HYDIN: variants seen among roughly 807,000 people sequenced by gnomAD.
The protein encoded by HYDIN is HYDIN axonemal central pair apparatus protein.
Under a neutral mutation model 403.9 loss-of-function variants are expected in HYDIN, and 132 were observed. The ratio of observed to expected loss-of-function variants is 0.33; its 90% CI spans 0.28 to 0.38. The LOEUF (loss-of-function observed/expected upper bound fraction) is 0.38, where lower values mean the gene tolerates loss of function less well. Ranked by LOEUF, HYDIN falls within the 10% of genes least tolerant of loss-of-function variation. HYDIN has a pLI of 1.00. For synonymous variants in HYDIN, 1,202 were observed against 1,891.7 expected (o/e 0.64, Z 9.46); for missense variants, 2,827 against 5,009.5 (o/e 0.56, Z 13.15).
At chr16:71,043,786 T>C (rs1369883334) in intron 18 of HYDIN, among the ~76,000 whole-genome samples, 3 of 152,078 alleles carry the variant, frequency 2.0e-5, no homozygotes, top group African/African-American at 7.2e-5. Flanking sequence ...TAAGTATTTA[T>C]GTTTAAGAGT....
rs1597952469 is a variant in HYDIN, at chr16:71,175,659, G to C, written c.464C>G (p.Ala155Gly). Residue 155 changes from alanine to glycine, a missense_variant, in exon 5 of 86, where the codon GCT becomes GGT. Coordinates refer to ENST00000393567, the MANE Select transcript of HYDIN (RefSeq NM_001270974.2). Reference sequence around the variant, plus strand: ...TCGGAATATGGAAGGCACTCCAGGAGCCACTTTGTGGCCAATATCTTTGGG... The same window carrying C: ...TCGGAATATGGAAGGCACTCCAGGACCCACTTTGTGGCCAATATCTTTGGG... ...ISPKDIGHKV[A>G]PGVPSIFRIL... 1 of 1,614,070 alleles carries C rather than the reference G, an allele frequency of 6.2e-7. No individual in the cohort carries two copies. Among genetic ancestry groups the C allele is most frequent in the Non-Finnish European group, 8.5e-7 (1 of 1,179,878 alleles).
At chr16:71,173,512 ATC>A (rs912787843) in intron 5 of HYDIN, among the ~76,000 whole-genome samples, 1 of 152,208 alleles carries the variant, frequency 6.6e-6, no homozygotes, top group Non-Finnish European at 1.5e-5. Flanking sequence ...CAGTAATAAA[ATC>A]TCTCTCTTCT....
At chr16:71,183,832 G>A (rs547616804) in intron 3 of HYDIN, among the ~76,000 whole-genome samples, 2 of 152,182 alleles carry the variant, frequency 1.3e-5, no homozygotes, top group South Asian at 4.2e-4. Context: ...AATTAAAGAG[G>A]AGAGGAGAGA....
intron 1 of HYDIN, among the ~76,000 whole-genome samples, chr16:71,221,617 C>T (rs189652277): frequency 1.1e-4 from 16 of 151,994 alleles, no homozygotes; most frequent in African/African-American, 3.1e-4. Flanking sequence ...AAAAGAAATT[C>T]AAGAAATGAA....
At chr16:70,815,318 G>T (rs894159337) in intron 84 of HYDIN, among the ~76,000 whole-genome samples, 7 of 145,460 alleles carry the variant, frequency 4.8e-5, no homozygotes, top group Admixed American at 1.3e-4. Flanking sequence ...GAGTTGGGAG[G>T]ATCACCTGAG....
chr16:71,074,086 C>T (rs2082553623), intron 13 of HYDIN, among the ~76,000 whole-genome samples: 1 of 152,164 alleles, frequency 6.6e-6, no homozygotes, highest in Non-Finnish European at 1.5e-5. Context: ...TAACAGACTC[C>T]TTTTTAGGAA....
intron 18 of HYDIN, among the ~76,000 whole-genome samples, chr16:71,050,377 T>G (rs1319941374): frequency 3.2e-5 from 4 of 126,856 alleles, no homozygotes; most frequent in Non-Finnish European, 3.6e-5. Flanking sequence ...CATCGTAAAC[T>G]ACAGATCTCT....
intron 21 of HYDIN, among the ~76,000 whole-genome samples, chr16:71,021,779 C>T (rs2144128706): frequency 6.6e-6 from 1 of 152,256 alleles, no homozygotes; most frequent in South Asian, 2.1e-4. Flanking sequence ...TTTGCCTTTT[C>T]TCTTTGTGCC....
chr16:71,103,987 A>T (rs373055083), intron 10 of HYDIN, among the ~76,000 whole-genome samples: 24 of 152,250 alleles, frequency 1.6e-4, no homozygotes, highest in African/African-American at 5.3e-4. Flanking sequence ...TCTTGTATAC[A>T]TTTTGTCAAA....
intron 1 of HYDIN, among the ~76,000 whole-genome samples, chr16:71,220,731 T>A (rs1225075785): frequency 6.6e-6 from 1 of 152,172 alleles, no homozygotes; most frequent in East Asian, 1.9e-4. Flanking sequence ...AGTGGAGTAA[T>A]GAGAAGCCTT....
At chr16:71,190,829 G>C (rs141263891) in intron 1 of HYDIN, among the ~76,000 whole-genome samples, 1 of 152,120 alleles carries the variant, frequency 6.6e-6, no homozygotes, top group Non-Finnish European at 1.5e-5. Flanking sequence ...CTAAGCCTCC[G>C]ACCTACCAGC....
chr16:71,191,042 T>C (rs2087410669), intron 1 of HYDIN, among the ~76,000 whole-genome samples: 1 of 151,850 alleles, frequency 6.6e-6, no homozygotes, highest in South Asian at 2.1e-4. Context: ...ATTAAAAGAG[T>C]CTTACACCAA....
intron 41 of HYDIN, among the ~76,000 whole-genome samples, chr16:70,951,670 A>C (rs879778795): frequency 2.6e-5 from 4 of 151,790 alleles, no homozygotes; most frequent in South Asian, 2.1e-4. Flanking sequence ...TTCCCTCTTG[A>C]GTGGATCGCC....
chr16:71,198,104 C>A (rs1044221438), intron 1 of HYDIN, among the ~76,000 whole-genome samples: 2 of 152,160 alleles, frequency 1.3e-5, no homozygotes, highest in African/African-American at 4.8e-5. Flanking sequence ...TTTTGCCTGG[C>A]TTTTAATATC....
intron 43 of HYDIN, 33 bp from the exon 44 acceptor site, chr16:70,938,788 A>C: frequency 6.2e-7 from 1 of 1,612,180 alleles, no homozygotes; most frequent in Non-Finnish European, 8.5e-7. Flanking sequence ...AAGGTGAGGA[A>C]AAGTCCTTCT....
chr16:71,134,368 T>C (rs1396624933), intron 8 of HYDIN, among the ~76,000 whole-genome samples: 1 of 152,098 alleles, frequency 6.6e-6, no homozygotes, highest in African/African-American at 2.4e-5. Flanking sequence ...ACTATAGAGG[T>C]TGCTGAAGGA....
chr16:71,167,870 A>C (rs1206998454), intron 5 of HYDIN, among the ~76,000 whole-genome samples: 2 of 152,012 alleles, frequency 1.3e-5, no homozygotes, highest in Non-Finnish European at 2.9e-5. Context: ...CTGAACACCC[A>C]GCCTCACAAA....
chr16:71,193,529 GA>G (rs926635872), intron 1 of HYDIN, among the ~76,000 whole-genome samples: 4 of 151,022 alleles, frequency 2.6e-5, no homozygotes, highest in Middle Eastern at 3.4e-3. Context: ...CTAAAAGACA[GA>G]AAAAAAAAGA....
intron 1 of HYDIN, among the ~76,000 whole-genome samples, chr16:71,187,194 T>G (rs1389494063): frequency 6.6e-6 from 1 of 152,136 alleles, no homozygotes; most frequent in East Asian, 1.9e-4. Context: ...ATTTTGCCCC[T>G]TTTATCTTCC....
Sources: allele counts gnomAD v4.1 joint callset (sites outside exome capture counted in the v4.1 genomes callset), GRCh38; gene constraint gnomAD v4.1.1; transcripts MANE v1.5; gene names NCBI Gene and HGNC (gene_info 2026-07-23, HGNC 2026-07-21).